Variants in CSMD1 observed in about 807,000 individuals in gnomAD.
CSMD1 encodes the protein CUB and sushi domain-containing protein 1.
In CSMD1, 213 loss-of-function variants were observed where a neutral mutation model predicts 417.5. The ratio of observed to expected loss-of-function variants is 0.51; its 90% CI spans 0.46 to 0.57. The LOEUF is 0.57. Ranked by LOEUF, CSMD1 falls within the 20% of genes least tolerant of loss-of-function variation. The pLI is 0.00. For synonymous variants in CSMD1, 2,862 were observed against 1,736.8 expected (o/e 1.65, Z -16.11); for missense variants, 6,923 against 4,529.7 (o/e 1.53, Z -15.17).
At chr8:3,838,926 CTATT>C (rs1487536647) in intron 5 of CSMD1, among the ~76,000 whole-genome samples, 23 of 108,216 alleles carry the variant, frequency 2.1e-4, no homozygotes, top group East Asian at 7.1e-4. Context: ...TATAGTCTCT[CTATT>C]TATATATAAT....
chr8:4,726,298 G>A (rs1809438534), intron 1 of CSMD1, among the ~76,000 whole-genome samples: 1 of 151,450 alleles, frequency 6.6e-6, no homozygotes, highest in African/African-American at 2.4e-5. Context: ...TGGCGACTAA[G>A]TGGGTAGCGG....
chr8:3,494,226 C>G (rs1489802876), intron 10 of CSMD1, among the ~76,000 whole-genome samples: 1 of 151,970 alleles, frequency 6.6e-6, no homozygotes, highest in Non-Finnish European at 1.5e-5. Context: ...TCTTGCAAAG[C>G]CTGTAAGTTT....
intron 4 of CSMD1, among the ~76,000 whole-genome samples, chr8:4,029,933 G>C (rs781569726): frequency 1.5e-4 from 23 of 152,234 alleles, no homozygotes; most frequent in Non-Finnish European, 2.9e-4. Context: ...TGTAAGTATA[G>C]AATCCAGTGG....
intron 3 of CSMD1, among the ~76,000 whole-genome samples, chr8:4,101,198 T>A (rs1009201692): frequency 6.6e-6 from 1 of 152,228 alleles, no homozygotes; most frequent in Non-Finnish European, 1.5e-5. Flanking sequence ...TATGCCTACA[T>A]ACACGTATGA....
intron 2 of CSMD1, among the ~76,000 whole-genome samples, chr8:4,471,522 C>T (rs1329217563): frequency 6.6e-6 from 1 of 152,038 alleles, no homozygotes; most frequent in Non-Finnish European, 1.5e-5. Context: ...CACAGGACGG[C>T]ACTTCTGCTT....
intron 26 of CSMD1, among the ~76,000 whole-genome samples, chr8:3,270,956 T>A (rs1473492689): frequency 6.6e-6 from 1 of 151,916 alleles, no homozygotes; most frequent in East Asian, 1.9e-4. Context: ...ACTGTAAGTT[T>A]TAGGGTACAT....
intron 3 of CSMD1, among the ~76,000 whole-genome samples, chr8:4,249,582 G>C (rs17334654): frequency 0.041 from 6,215 of 152,226 alleles, 176 homozygotes; most frequent in Non-Finnish European, 0.061. Context: ...TTAGCTTGAA[G>C]CTGTGTATTG....
intron 3 of CSMD1, among the ~76,000 whole-genome samples, chr8:4,407,262 A>G (rs1805094927): frequency 6.6e-6 from 1 of 152,202 alleles, no homozygotes; most frequent in Admixed American, 6.6e-5. Context: ...TTAAAAAATG[A>G]CCTTAACTTT....
At chr8:4,502,516 T>G (rs1802310832) in intron 2 of CSMD1, among the ~76,000 whole-genome samples, 1 of 152,194 alleles carries the variant, frequency 6.6e-6, no homozygotes, top group African/African-American at 2.4e-5. Flanking sequence ...CGTCATTCCA[T>G]GCAAACACAC....
At chr8:4,187,294 G>C (rs181710332) in intron 3 of CSMD1, among the ~76,000 whole-genome samples, 5 of 152,288 alleles carry the variant, frequency 3.3e-5, no homozygotes, top group Admixed American at 2.0e-4. Context: ...TGCTCTTTCA[G>C]TCATAGGAAA....
chr8:4,559,450 A>G (rs1798232676), intron 2 of CSMD1, among the ~76,000 whole-genome samples: 1 of 152,196 alleles, frequency 6.6e-6, no homozygotes, highest in Non-Finnish European at 1.5e-5. Context: ...AGAAGGGGTT[A>G]AAATATATAA....
At chr8:3,608,033 G>A (rs1468181533) in intron 8 of CSMD1, among the ~76,000 whole-genome samples, 11 of 152,258 alleles carry the variant, frequency 7.2e-5, no homozygotes, top group South Asian at 2.1e-4. Flanking sequence ...TTAGCCAGCC[G>A]TGGTGGTATG....
chr8:3,705,377 G>C (rs1801107897), intron 7 of CSMD1, among the ~76,000 whole-genome samples: 1 of 152,126 alleles, frequency 6.6e-6, no homozygotes, highest in African/African-American at 2.4e-5. Flanking sequence ...GCTTCCCACG[G>C]GCAGAATACA....
chr8:4,765,560 T>C (rs892675326), intron 1 of CSMD1, among the ~76,000 whole-genome samples: 3 of 152,220 alleles, frequency 2.0e-5, no homozygotes, highest in Non-Finnish European at 2.9e-5. Flanking sequence ...AACTCACTAA[T>C]TGATCAACTG....
intron 8 of CSMD1, among the ~76,000 whole-genome samples, chr8:3,599,143 GTGTGTGTC>G (rs1383507296): frequency 2.1e-5 from 3 of 141,062 alleles, no homozygotes; most frequent in South Asian, 2.2e-4. Flanking sequence ...GTGTGTGTGT[GTGTGTGTC>G]TGTGTGTGTG....
intron 9 of CSMD1, among the ~76,000 whole-genome samples, chr8:3,581,358 C>A (rs555953713): frequency 6.6e-6 from 1 of 152,270 alleles, no homozygotes; most frequent in African/African-American, 2.4e-5. Flanking sequence ...CAAACAAAAT[C>A]ACTTGTATAA....
intron 3 of CSMD1, among the ~76,000 whole-genome samples, chr8:4,211,094 T>C (rs929431853): frequency 6.6e-6 from 1 of 152,218 alleles, no homozygotes; most frequent in Admixed American, 6.5e-5. Context: ...GTACATTACA[T>C]TTTGGGAATT....
intron 1 of CSMD1, among the ~76,000 whole-genome samples, chr8:4,819,165 C>G (rs1053609401): frequency 2.0e-5 from 3 of 152,128 alleles, no homozygotes; most frequent in Admixed American, 1.3e-4. Context: ...GGTGTCCTTC[C>G]ACTCTCAAGG....
intron 5 of CSMD1, among the ~76,000 whole-genome samples, chr8:3,850,970 G>C (rs1378058540): frequency 6.6e-6 from 1 of 152,214 alleles, no homozygotes; most frequent in Non-Finnish European, 1.5e-5. Flanking sequence ...TAAAATAACA[G>C]ATGAGTATAA....
Sources: gnomAD v4.1 joint callset for allele counts (sites outside exome capture counted in the v4.1 genomes callset) on GRCh38, gnomAD v4.1.1 for gene constraint, MANE v1.5 for transcripts, NCBI Gene and HGNC (gene_info 2026-07-23, HGNC 2026-07-21) for gene names.